GPC6: variants seen among roughly 807,000 people sequenced by gnomAD.
GPC6 encodes the protein glypican-6.
A neutral mutation model predicts 55.2 loss-of-function variants in GPC6; 14 were observed. The observed-to-expected ratio is 0.25, with a 90% CI of 0.17 to 0.40. The LOEUF is 0.40. GPC6 is among the 10% of genes least tolerant of loss of function. The probability of loss-of-function intolerance (pLI) is 1.00; values close to 1 mark genes in which losing one functional copy is unlikely to be tolerated. For synonymous variants in GPC6, 278 were observed against 259.6 expected, an observed-to-expected ratio of 1.07 and a Z score of -0.68; for missense variants, 641 against 708.5, an observed-to-expected ratio of 0.90 and a Z score of 1.08.
chr13:94,089,281 G>A (rs1473756759), intron 4 of GPC6, among the ~76,000 whole-genome samples: 1 of 152,172 alleles, frequency 6.6e-6, no homozygotes, highest in Non-Finnish European at 1.5e-5. Flanking sequence ...GATGGATTAG[G>A]TCAGAGCCCC....
intron 2 of GPC6, among the ~76,000 whole-genome samples, chr13:93,608,912 A>G (rs1447976077): frequency 6.6e-6 from 1 of 152,186 alleles, no homozygotes; most frequent in East Asian, 1.9e-4. Context: ...ATTTATGAGT[A>G]CCTACTATGT....
intron 4 of GPC6, among the ~76,000 whole-genome samples, chr13:94,104,751 G>T (rs554996668): frequency 2.0e-5 from 3 of 152,014 alleles, no homozygotes; most frequent in Admixed American, 6.6e-5. Context: ...TAGGAATCCA[G>T]CTTACAAGGG....
chr13:93,364,551 A>G (rs575703154), intron 1 of GPC6, among the ~76,000 whole-genome samples: 2 of 152,008 alleles, frequency 1.3e-5, no homozygotes, highest in East Asian at 1.9e-4. Context: ...TTTTTAATCC[A>G]TAAGCAGTGA....
intron 1 of GPC6, among the ~76,000 whole-genome samples, chr13:93,426,973 T>A (rs964223115): frequency 5.3e-5 from 8 of 150,588 alleles, no homozygotes; most frequent in Admixed American, 1.3e-4. Context: ...TTGATTTGCA[T>A]TTCTCTGATG....
At chr13:93,757,390 T>C (rs1294860534) in intron 2 of GPC6, among the ~76,000 whole-genome samples, 1 of 152,160 alleles carries the variant, frequency 6.6e-6, no homozygotes, top group African/African-American at 2.4e-5. Flanking sequence ...CAGAAGGTTG[T>C]AGCTTGGAGC....
At chr13:94,264,958 A>G (rs374978736) in intron 4 of GPC6, among the ~76,000 whole-genome samples, 2 of 152,202 alleles carry the variant, frequency 1.3e-5, no homozygotes, top group Non-Finnish European at 2.9e-5. Context: ...CTTATTCACT[A>G]TCACAAGAAC....
intron 3 of GPC6, among the ~76,000 whole-genome samples, chr13:93,868,456 C>T (rs925189238): frequency 8.6e-5 from 13 of 151,658 alleles, no homozygotes; most frequent in African/African-American, 2.9e-4. Flanking sequence ...AATAATTTTG[C>T]TTACAGCATT....
chr13:94,274,865 CAAT>C (rs1263599002), intron 4 of GPC6, among the ~76,000 whole-genome samples: 1 of 151,730 alleles, frequency 6.6e-6, no homozygotes, highest in African/African-American at 2.4e-5. Context: ...TAAAAAAGTA[CAAT>C]AAGATTCTGA....
intron 4 of GPC6, among the ~76,000 whole-genome samples, chr13:94,190,387 T>G (rs1889352567): frequency 6.6e-6 from 1 of 152,172 alleles, no homozygotes; most frequent in South Asian, 2.1e-4. Flanking sequence ...ATCTCATATG[T>G]GTTGCCTACT....
chr13:93,925,672 C>G (rs775154782), intron 3 of GPC6, among the ~76,000 whole-genome samples: 1 of 152,146 alleles, frequency 6.6e-6, no homozygotes, highest in African/African-American at 2.4e-5. Context: ...CATATTATTA[C>G]GCTCGTGGTT....
chr13:94,277,907 T>C (rs1892261204), intron 4 of GPC6, among the ~76,000 whole-genome samples: 1 of 152,150 alleles, frequency 6.6e-6, no homozygotes, highest in South Asian at 2.1e-4. Flanking sequence ...TTCTTGTTCT[T>C]TGTCTTGGAT....
At chr13:93,530,199 A>G (rs1352244365) in intron 1 of GPC6, among the ~76,000 whole-genome samples, 1 of 152,172 alleles carries the variant, frequency 6.6e-6, no homozygotes, top group African/African-American at 2.4e-5. Context: ...AAATAGAAGC[A>G]ACAGTCTGGG....
At chr13:94,131,759 T>G (rs969789377) in intron 4 of GPC6, among the ~76,000 whole-genome samples, 8 of 152,184 alleles carry the variant, frequency 5.3e-5, no homozygotes, top group African/African-American at 1.7e-4. Flanking sequence ...ATGATTCTGT[T>G]TCTTCATCTC....
intron 2 of GPC6, among the ~76,000 whole-genome samples, chr13:93,591,171 A>T (rs74419457): frequency 6.6e-6 from 1 of 150,656 alleles, no homozygotes; most frequent in Non-Finnish European, 1.5e-5. Flanking sequence ...AAAAAAAAAA[A>T]GGAAATCACC....
intron 4 of GPC6, among the ~76,000 whole-genome samples, chr13:94,037,089 C>T (rs1404225977): frequency 5.3e-5 from 8 of 151,968 alleles, no homozygotes; most frequent in African/African-American, 1.9e-4. Flanking sequence ...CTAAAATCAT[C>T]AATAGTCCTA....
At chr13:94,312,676 AC>A (rs1876306338) in intron 6 of GPC6, among the ~76,000 whole-genome samples, 2 of 151,342 alleles carry the variant, frequency 1.3e-5, no homozygotes, top group South Asian at 4.2e-4. Flanking sequence ...CCCACCTTCC[AC>A]CCCAACACAG....
intron 4 of GPC6, among the ~76,000 whole-genome samples, chr13:94,199,693 G>A (rs572575183): frequency 3.0e-4 from 46 of 152,152 alleles, no homozygotes; most frequent in Non-Finnish European, 6.0e-4. Context: ...TATATGTGAA[G>A]TATTCTGAAC....
chr13:94,285,010 T>C (rs113701227), intron 4 of GPC6, among the ~76,000 whole-genome samples: 128 of 152,282 alleles, frequency 8.4e-4, no homozygotes, highest in African/African-American at 1.8e-3. Flanking sequence ...TTATTTCATA[T>C]TTTTATTTAT....
At chr13:93,490,811 T>C (rs1050804064) in intron 1 of GPC6, among the ~76,000 whole-genome samples, 4 of 110,620 alleles carry the variant, frequency 3.6e-5, no homozygotes, top group African/African-American at 1.3e-4. Context: ...AGAATGATGG[T>C]TTCCAATTTC....
Sources: gnomAD v4.1 joint callset for allele counts (sites outside exome capture counted in the v4.1 genomes callset) on GRCh38, gnomAD v4.1.1 for gene constraint, MANE v1.5 for transcripts, NCBI Gene and HGNC (gene_info 2026-07-23, HGNC 2026-07-21) for gene names.